The following PODN variants were observed in gnomAD, a reference collection of about 807,000 sequenced individuals.
PODN encodes the protein podocan.
PODN carries 40 observed loss-of-function variants against 52.7 expected under a neutral mutation model. The ratio of observed to expected loss-of-function variants is 0.76; its 90% CI spans 0.59 to 0.99. PODN has a LOEUF of 0.99. PODN is among the 50% of genes least tolerant of loss of function. The pLI is 0.00. For missense variants in PODN, 720 were observed against 815.1 expected (o/e 0.88, Z 1.42); for synonymous variants, 396 against 377.9 (o/e 1.05, Z -0.56).
intron 4 of PODN, 119 bp downstream of exon 4, chr1:53,074,789 C>T: frequency 1.1e-6 from 1 of 888,572 alleles, no homozygotes. Flanking sequence ...CTTGTTGCTG[C>T]TCAGACATGG....
At chr1:53,063,538 T>G in intron 1 of PODN, 3 of 985,528 alleles carry the variant, frequency 3.0e-6, no homozygotes, top group Non-Finnish European at 3.6e-6. Flanking sequence ...CCGGCTGATC[T>G]GCAGGCGCAC....
At chr1:53,072,744 C>A (rs929369015) in intron 3 of PODN, among the ~76,000 whole-genome samples, 1 of 152,182 alleles carries the variant, frequency 6.6e-6, no homozygotes, top group Non-Finnish European at 1.5e-5. Context: ...CACCATCAAG[C>A]GCATTCAGGT....
At chr1:53,062,924 C>G (rs1409268342) in intron 1 of PODN, among the ~76,000 whole-genome samples, 1 of 152,244 alleles carries the variant, frequency 6.6e-6, no homozygotes, top group Non-Finnish European at 1.5e-5. Context: ...AAGGTCTCAG[C>G]TGGCGGTCTG....
At chr1:53,079,976 C>G (rs904896797) in intron 8 of PODN, among the ~76,000 whole-genome samples, 1 of 136,954 alleles carries the variant, frequency 7.3e-6, no homozygotes, top group African/African-American at 2.8e-5. Flanking sequence ...TCCTGGACGA[C>G]AGAGTGAGAC....
At chr1:53,073,627 C>T (rs964246484) in intron 3 of PODN, 9 of 151,978 alleles carry the variant, frequency 5.9e-5, no homozygotes, top group Admixed American at 2.0e-4. Context: ...TTCCTGATGA[C>T]GAAAATAACA....
chr1:53,067,962 C>G (rs1248964442), intron 1 of PODN, among the ~76,000 whole-genome samples: 2 of 144,128 alleles, frequency 1.4e-5, no homozygotes, highest in African/African-American at 5.3e-5. Flanking sequence ...AAGATCTAGA[C>G]AAGGGAAGGA....
chr1:53,068,184 A>T (rs1644060893), intron 1 of PODN, among the ~76,000 whole-genome samples: 1 of 152,220 alleles, frequency 6.6e-6, no homozygotes, highest in African/African-American at 2.4e-5. Context: ...TGAGGTTTAG[A>T]TGATTGTAGT....
At chr1:53,063,485 G>A (rs574349389) in intron 1 of PODN, 22 of 985,574 alleles carry the variant, frequency 2.2e-5, no homozygotes, top group Non-Finnish European at 2.3e-5. Flanking sequence ...TCCACACTGG[G>A]AAGGCAGCGG....
At chr1:53,065,127 G>T (rs1225741166) in intron 1 of PODN, among the ~76,000 whole-genome samples, 1 of 152,196 alleles carries the variant, frequency 6.6e-6, no homozygotes, top group Non-Finnish European at 1.5e-5. Context: ...ACTTTGGGAG[G>T]CCGAGGCAGA....
chr1:53,065,170 T>G (rs1644013270), intron 1 of PODN, among the ~76,000 whole-genome samples: 1 of 152,082 alleles, frequency 6.6e-6, no homozygotes, highest in Non-Finnish European at 1.5e-5. Context: ...CTGGGCAACA[T>G]AGTGAGACCC....
chr1:53,073,209 G>T, intron 3 of PODN: 1 of 220,716 alleles, frequency 4.5e-6, no homozygotes, highest in South Asian at 7.9e-5. Context: ...CATGCATGTG[G>T]ATCAGATGAA....
At chr1:53,077,598 C>G in intron 6 of PODN, 87 bp from the exon 7 acceptor site, 1 of 1,344,002 alleles carries the variant, frequency 7.4e-7, no homozygotes, top group East Asian at 2.3e-5. Flanking sequence ...GGTGGCTTCC[C>G]AGACTCCTCT....
chr1:53,078,961 G>A lies in PODN; in HGVS notation c.1451G>A (p.Ser484Asn). Residue 484 changes from serine to asparagine, a missense_variant, in exon 8 of 11, where the codon AGC (serine) becomes AAC (asparagine). Ser to Asn is a conservative substitution (Grantham distance 46). Transcript: ENST00000312553. ...CAGCTGCGTGAGCTGTACCTCACCA[G>A]CAACCGACTGCGCAGCCGAGCCCTG... is the stretch of plus-strand genomic sequence containing the variant. ...MAQLRELYLTSNRLRSRALGP... is the reference protein window; with the variant it reads ...MAQLRELYLTNNRLRSRALGP... The A allele has an allele frequency of 6.3e-7, 1 of 1,579,854 alleles. No individual in the cohort carries two copies. Among genetic ancestry groups the A allele is most frequent in the South Asian group, 1.1e-5 (1 of 87,536 alleles).
In PODN at chr1:53,080,604, C is replaced by T. The variant is rs898636724; in HGVS notation, c.1513-124C>T. Reference sequence around the variant, plus strand: ...TGGGAAGTGGGGATAATTATAGACACCCCCCCTCCTCCACACAGGGTTATT... The same window carrying T: ...TGGGAAGTGGGGATAATTATAGACATCCCCCCTCCTCCACACAGGGTTATT... On this transcript the variant is annotated intron_variant, in intron 8 of 10. Coordinates refer to ENST00000312553, the MANE Select transcript of PODN (RefSeq NM_153703.5). 1.3e-5 allele frequency: 13 copies of T among 1,003,766 alleles called. No individual in the cohort carries two copies. In the Admixed American group the frequency reaches 1.5e-4, roughly 12 times the overall value. 62.2% of individuals were successfully genotyped at this position (1,003,766 alleles called of 1,614,324 possible).
chr1:53,078,776 C>T lies in PODN; in HGVS notation c.1266C>T (p.His422=). ...SYNRITSPQV[H]RDAFRKLRLL... ...ACCGCATCACCAGCCCGCAGGTGCA[C>T]CGCGACGCCTTCCGCAAGCTGCGCC... Residue 422 remains histidine, a synonymous_variant, in exon 8 of 11, where the codon CAC becomes CAT. Coordinates refer to ENST00000312553, the MANE Select transcript of PODN (RefSeq NM_153703.5). 1 of 1,613,272 alleles carries T rather than the reference C, an allele frequency of 6.2e-7. No individual in the cohort carries two copies. Among genetic ancestry groups the T allele is most frequent in the South Asian group, 1.1e-5 (1 of 91,090 alleles).
rs1442928572 is a variant in PODN at position 53,084,778 on chromosome 1, T to A, written c.*293T>A. The A allele has an allele frequency of 1.3e-5, 2 of 152,726 alleles. No individual in the cohort carries two copies. The highest frequency in any genetic ancestry group is 1.3e-4 in the Admixed American group (2 of 15,274). 9.5% of individuals were successfully genotyped at this position (152,726 alleles called of 1,614,324 possible). ...GTCTCTGTCACACCCCCACTACCGCTGCCACGCCCTCTGAATCATGCAGGG... is the reference window on the plus strand; with the variant it reads ...GTCTCTGTCACACCCCCACTACCGCAGCCACGCCCTCTGAATCATGCAGGG... On this transcript the variant is annotated 3_prime_UTR_variant, in exon 11 of 11. Transcript: ENST00000312553.
Position 53,075,830 on chromosome 1 carries a change from T to G in PODN, c.472-32T>G, listed in dbSNP as rs1012090323. 3.2e-6 allele frequency: 5 copies of G among 1,549,068 alleles called. No individual in the cohort carries two copies. The African/African-American group carries it at 6.8e-5, about 21-fold the overall frequency. ...CCACAGCTGGCCTCTGCTCCTCCAT[T>G]GCTCTTTCGGCCCCAACTCTTCCCT... is the stretch of plus-strand genomic sequence containing the variant. On this transcript the variant is annotated intron_variant, in intron 4 of 10. Transcript: ENST00000312553.
At chr1:53,080,506 C>A (rs745967512) in intron 8 of PODN, among the ~76,000 whole-genome samples, 1 of 152,158 alleles carries the variant, frequency 6.6e-6, no homozygotes, top group Non-Finnish European at 1.5e-5. Flanking sequence ...CAGGCACACC[C>A]GGCTACAGCC....
intron 5 of PODN, among the ~76,000 whole-genome samples, chr1:53,076,628 GCATCTCATA>G (rs1644198604): frequency 6.6e-6 from 1 of 151,850 alleles, no homozygotes; most frequent in Non-Finnish European, 1.5e-5. Context: ...AACAGCTCTG[GCATCTCATA>G]TATATATTTA....
Sources: gnomAD v4.1 joint callset for allele counts (sites outside exome capture counted in the v4.1 genomes callset) on GRCh38, gnomAD v4.1.1 for gene constraint, MANE v1.5 for transcripts, NCBI Gene and HGNC (gene_info 2026-07-23, HGNC 2026-07-21) for gene names.